The following STARD13 variants were observed in gnomAD, a reference collection of about 807,000 sequenced individuals.
STARD13 encodes StAR related lipid transfer domain containing 13.
Under a neutral mutation model 106.4 loss-of-function variants are expected in STARD13, and 62 were observed. That is an observed-to-expected ratio of 0.58 (90% confidence interval 0.48 to 0.72). STARD13 has a LOEUF of 0.72. Among genes scored for constraint, STARD13 ranks in the 30% least tolerant of loss-of-function variants. The pLI is 0.00. For synonymous variants in STARD13, 565 were observed against 553.0 expected (o/e 1.02, Z -0.31); for missense variants, 1,387 against 1,424.0 (o/e 0.97, Z 0.42).
chr13:33,275,235 GAC>G (rs1487833457), intron 1 of STARD13, among the ~76,000 whole-genome samples: 1 of 152,044 alleles, frequency 6.6e-6, no homozygotes, highest in African/African-American at 2.4e-5. Context: ...AAGACATGAG[GAC>G]ACACACAAAA....
At chr13:33,346,717 C>A (rs758487587), downstream of STARD13, among the ~76,000 whole-genome samples, 4 of 152,072 alleles carry the variant, frequency 2.6e-5, no homozygotes, top group Non-Finnish European at 5.9e-5. Context: ...GCAACCTCCG[C>A]CTCCCAGGTT....
At chr13:33,140,500 C>G (rs115737799) in intron 4 of STARD13, among the ~76,000 whole-genome samples, 1 of 152,178 alleles carries the variant, frequency 6.6e-6, no homozygotes, top group East Asian at 1.9e-4. Context: ...GGACAAACTG[C>G]TCATGTTTTA....
chr13:33,181,803 C>T (rs887086764), intron 1 of STARD13, among the ~76,000 whole-genome samples: 5 of 152,200 alleles, frequency 3.3e-5, no homozygotes, highest in African/African-American at 1.2e-4. Flanking sequence ...AGGATTGTTG[C>T]TTCTGCTGGC....
the STARD13 span, among the ~76,000 whole-genome samples, chr13:33,489,329 G>T: frequency 8.6e-5 from 13 of 151,984 alleles, no homozygotes; most frequent in Non-Finnish European, 1.6e-4. Context: ...CTTCCATAGG[G>T]CAACTCACTA....
chr13:33,492,046 G>A, the STARD13 span, among the ~76,000 whole-genome samples: 1 of 152,186 alleles, frequency 6.6e-6, no homozygotes, highest in African/African-American at 2.4e-5. Flanking sequence ...TTCTTTGGCG[G>A]GCAGGGGTGG....
At chr13:33,197,859 C>T (rs1374226200) in intron 1 of STARD13, among the ~76,000 whole-genome samples, 1 of 152,192 alleles carries the variant, frequency 6.6e-6, no homozygotes, top group African/African-American at 2.4e-5. Flanking sequence ...TTGATGAGGT[C>T]ACCAAGGCCA....
At chr13:33,675,091 G>A in the STARD13 span, among the ~76,000 whole-genome samples, 1 of 152,104 alleles carries the variant, frequency 6.6e-6, no homozygotes, top group Admixed American at 6.5e-5. Flanking sequence ...TCACCTTTCG[G>A]CTAGAGCCAT....
At chr13:33,123,131 T>C (rs114221589) in intron 7 of STARD13, among the ~76,000 whole-genome samples, 2,405 of 150,292 alleles carry the variant, frequency 0.016, 54 homozygotes, top group South Asian at 0.064. Flanking sequence ...CTGCTCACTT[T>C]ATCTGAGGCA....
intron 1 of STARD13, chr13:33,185,990 G>A (rs1885728301): frequency 1.9e-6 from 3 of 1,614,040 alleles, no homozygotes; most frequent in African/African-American, 1.3e-5. Context: ...CCTGGTTAAC[G>A]TTTGCATGGA....
intron 1 of STARD13, among the ~76,000 whole-genome samples, chr13:33,281,908 T>C (rs1891805522): frequency 6.6e-6 from 1 of 152,266 alleles, no homozygotes; most frequent in African/African-American, 2.4e-5. Context: ...ATGGCGGTGA[T>C]GGTTGGATAT....
At chr13:33,383,037 G>T in the STARD13 span, among the ~76,000 whole-genome samples, 2,155 of 152,264 alleles carry the variant, frequency 0.014, 44 homozygotes, top group African/African-American at 0.043. Context: ...GGGATGGTGG[G>T]TAACATCTAG....
At chr13:33,435,776 CATA>C in the STARD13 span, among the ~76,000 whole-genome samples, 1 of 152,044 alleles carries the variant, frequency 6.6e-6, no homozygotes, top group African/African-American at 2.4e-5. Context: ...GTGCAAGGGA[CATA>C]ATAATGTTCA....
intron 1 of STARD13, among the ~76,000 whole-genome samples, chr13:33,254,904 T>C (rs772207706): frequency 6.6e-6 from 1 of 152,202 alleles, no homozygotes. Context: ...TAAGTCTGTG[T>C]GTGACTTGAT....
the STARD13 span, among the ~76,000 whole-genome samples, chr13:33,420,352 CAAA>C: frequency 6.6e-6 from 1 of 152,104 alleles, no homozygotes; most frequent in African/African-American, 2.4e-5. Context: ...TCAGAAGAGA[CAAA>C]GAAGGCCATT....
chr13:33,138,808 ACT>A (rs1450201263), intron 4 of STARD13: 9 of 464,140 alleles, frequency 1.9e-5, no homozygotes, highest in African/African-American at 4.0e-5. Flanking sequence ...CCTCCACCTG[ACT>A]CTTACAGAGG....
the STARD13 span, among the ~76,000 whole-genome samples, chr13:33,619,118 G>T: frequency 6.7e-6 from 1 of 149,264 alleles, no homozygotes; most frequent in African/African-American, 2.4e-5. Context: ...AAAACCGTGG[G>T]CATTTCGTTC....
At chr13:33,422,708 C>T in the STARD13 span, among the ~76,000 whole-genome samples, 1 of 152,166 alleles carries the variant, frequency 6.6e-6, no homozygotes, top group Non-Finnish European at 1.5e-5. Flanking sequence ...TACAAGGCTA[C>T]AGTAACCAAA....
chr13:33,132,293 G>A (rs541996403), intron 4 of STARD13, among the ~76,000 whole-genome samples: 1 of 152,326 alleles, frequency 6.6e-6, no homozygotes, highest in Non-Finnish European at 1.5e-5. Flanking sequence ...GATGTGTTAT[G>A]GGAGGGACCC....
At chr13:33,302,333 C>A (rs955604020) in intron 1 of STARD13, among the ~76,000 whole-genome samples, 1 of 152,174 alleles carries the variant, frequency 6.6e-6, no homozygotes, top group Non-Finnish European at 1.5e-5. Flanking sequence ...CATTTTTGAA[C>A]ATGTATGTGT....
Sources: allele counts gnomAD v4.1 joint callset (sites outside exome capture counted in the v4.1 genomes callset), GRCh38; gene constraint gnomAD v4.1.1; transcripts MANE v1.5; gene names NCBI Gene and HGNC (gene_info 2026-07-23, HGNC 2026-07-21).